The following JCAD variants were observed in gnomAD, a reference collection of about 807,000 sequenced individuals.
JCAD encodes the protein junctional cadherin 5-associated protein.
Under a neutral mutation model 98.0 loss-of-function variants are expected in JCAD, and 40 were observed. The observed-to-expected ratio is 0.41, with a 90% CI of 0.32 to 0.53. The LOEUF is 0.53. Among genes scored for constraint, JCAD ranks in the 20% least tolerant of loss-of-function variants. The pLI is 0.31. For synonymous variants in JCAD, 691 were observed against 682.3 expected (o/e 1.01, Z -0.20); for missense variants, 1,705 against 1,738.1 (o/e 0.98, Z 0.34).
intron 1 of JCAD, among the ~76,000 whole-genome samples, chr10:30,092,272 G>T (rs1838296510): frequency 6.6e-6 from 1 of 150,992 alleles, no homozygotes; most frequent in Non-Finnish European, 1.5e-5. Flanking sequence ...GGAGGAGTTT[G>T]TCCAGTGAGT....
At chr10:30,088,277 C>T (rs185697803) in intron 1 of JCAD, among the ~76,000 whole-genome samples, 335 of 152,270 alleles carry the variant, frequency 2.2e-3, no homozygotes, top group Non-Finnish European at 4.1e-3. Context: ...AAAGATAGGT[C>T]ATTAGCATTA....
chr10:30,085,064 G>A (rs533396882), intron 1 of JCAD, among the ~76,000 whole-genome samples: 3 of 152,156 alleles, frequency 2.0e-5, no homozygotes, highest in Non-Finnish European at 4.4e-5. Context: ...AGAGCAGTAG[G>A]TATCCTGATA....
In JCAD at chr10:30,047,754, G is replaced by A. The variant is rs757292487; in HGVS notation, c.59C>T (p.Pro20Leu). 6.2e-7 allele frequency: 1 copy of A among 1,613,882 alleles called. No individual in the cohort carries two copies. The highest frequency in any genetic ancestry group is 2.2e-5 in the East Asian group (1 of 44,888). ...CTTGGGGTTATCCTCGCGTGATGCT[G>A]GGGGGTCTCTTGACAGCTTGTATCC... ...SHGYKLSRDP[P>L]ASREDNPKGR... The change falls in exon 2 of 4, where the codon CCA (proline) becomes CTA (leucine). Residue 20 changes from proline (P) to leucine (L), a missense_variant. Physicochemically the swap from Pro to Leu is moderately conservative, Grantham distance 98. Coordinates refer to ENST00000375377, the MANE Select transcript of JCAD (RefSeq NM_020848.4).
chr10:30,028,071 T>C lies in JCAD; in HGVS notation c.2077A>G (p.Thr693Ala), dbSNP rs1320776513. The change falls in exon 3 of 4, where the codon ACC (threonine) becomes GCC (alanine). Residue 693 changes from threonine (T) to alanine (A), a missense_variant. By Grantham distance (58) the Thr-to-Ala change is moderately conservative (BLOSUM62 0). Coordinates refer to ENST00000375377, the MANE Select transcript of JCAD (RefSeq NM_020848.4). ...GHRYRDQQTQ[T>A]SFSEEPQSSQ... is the part of the protein sequence containing the mutation. Reference sequence around the variant, plus strand: ...CTTTGGGGCTCCTCGGAGAAACTGGTTTGTGTTTGCTGATCTCTGTACCGG... The same window carrying C: ...CTTTGGGGCTCCTCGGAGAAACTGGCTTGTGTTTGCTGATCTCTGTACCGG... 1.9e-6 allele frequency: 3 copies of C among 1,614,020 alleles called. No homozygotes were observed. Among genetic ancestry groups the C allele is most frequent in the Non-Finnish European group, 2.5e-6 (3 of 1,180,030 alleles).
rs549428253 is a variant in JCAD at position 30,015,401 on chromosome 10, T to C, written c.*2482A>G. The C allele has an allele frequency of 2.0e-5, 3 of 152,362 alleles. No homozygotes were observed. Among genetic ancestry groups the C allele is most frequent in the Non-Finnish European group, 4.4e-5 (3 of 68,034 alleles). 9.4% of individuals were successfully genotyped at this position (152,362 alleles called of 1,614,324 possible). ...CTGTTGTTGGTTATAGGCTATTATT[T>C]ACCTTAGAATATGAAAGTTTAAAGG... On this transcript the variant is annotated 3_prime_UTR_variant, in exon 4 of 4. Transcript: ENST00000375377.
chr10:30,028,321 T>G lies in JCAD; in HGVS notation c.1827A>C (p.Gln609His). ...CCGGGCTCTTATCAGACCCATTCTT[T>G]TGATCAGCACTGGGCTTTAAGTCAT... ...DNNDLKPSAD[Q>H]KNGSDKSPAL... The change falls in exon 3 of 4, where the codon CAA (glutamine) becomes CAC (histidine). Residue 609 changes from glutamine (Q) to histidine (H), a missense_variant. Physicochemically the swap from Gln to His is conservative, Grantham distance 24. This residue lies in a region of JCAD where 1,278 missense variants were observed against 1,243.1 expected (regional missense o/e 1.03). Transcript: ENST00000375377. 6.2e-7 allele frequency: 1 copy of G among 1,614,236 alleles called. No individual in the cohort carries two copies. Among genetic ancestry groups the G allele is most frequent in the South Asian group, 1.1e-5 (1 of 91,082 alleles).
chr10:30,110,107 C>T (rs564649061), intron 1 of JCAD, among the ~76,000 whole-genome samples: 4 of 151,786 alleles, frequency 2.6e-5, no homozygotes, highest in Admixed American at 2.0e-4. Flanking sequence ...ACTTATGTAT[C>T]GACCAGATGA....
intron 1 of JCAD, among the ~76,000 whole-genome samples, chr10:30,075,355 G>A (rs1237170154): frequency 3.3e-5 from 5 of 152,272 alleles, no homozygotes; most frequent in Middle Eastern, 6.8e-3. Flanking sequence ...CATGCGTTTA[G>A]TTGGGTTTTT....
chr10:30,076,561 A>G (rs1837984645), intron 1 of JCAD, among the ~76,000 whole-genome samples: 1 of 152,206 alleles, frequency 6.6e-6, no homozygotes, highest in African/African-American at 2.4e-5. Context: ...GGTCACACTC[A>G]GCTAGATATA....
chr10:30,025,182 C>CA (rs1420784952), intron 3 of JCAD, among the ~76,000 whole-genome samples: 1 of 151,908 alleles, frequency 6.6e-6, no homozygotes, highest in African/African-American at 2.4e-5. Flanking sequence ...TCCTCTAACT[C>CA]AACTCGTAAG....
rs559664973 is a variant in JCAD, at chr10:30,083,594, G to C, written n.129-13773C>G. Among the ~76,000 whole-genome samples the C allele has an allele frequency of 1.2e-4, 18 of 152,304 alleles. No homozygotes were observed. In the South Asian group the frequency reaches 3.7e-3, roughly 32 times the overall value. On this transcript the variant is annotated intron_variant and non_coding_transcript_variant, in intron 1 of 2. Coordinates refer to the JCAD transcript ENST00000465712. ...AATACAGGGTCTAGAGACCGCTAAA[G>C]TTAAGCTAAAATGCCTATAAGCAAA...
chr10:30,047,941 C>T (rs996779864), intron 1 of JCAD, 70 bp from the exon 2 acceptor site: 70 of 937,516 alleles, frequency 7.5e-5, no homozygotes, highest in Non-Finnish European at 1.0e-4. Context: ...CTCCTCCTCC[C>T]GTGGTCCCCC....
chr10:30,065,728 T>C (rs1160841275), intron 2 of JCAD, among the ~76,000 whole-genome samples: 1 of 152,166 alleles, frequency 6.6e-6, no homozygotes, highest in Non-Finnish European at 1.5e-5. Context: ...CTTGAACTCC[T>C]GGGCTCAAGC....
intron 3 of JCAD, among the ~76,000 whole-genome samples, chr10:30,020,750 C>T (rs1318526527): frequency 1.3e-5 from 2 of 152,166 alleles, no homozygotes; most frequent in African/African-American, 2.4e-5. Flanking sequence ...GCTCAATCAG[C>T]CTCAGAGTGT....
chr10:30,080,727 T>C (rs1460577056), intron 1 of JCAD, among the ~76,000 whole-genome samples: 3 of 151,960 alleles, frequency 2.0e-5, no homozygotes. Flanking sequence ...CCCATCAGCC[T>C]TTCTACTGGC....
At chr10:30,106,057 A>ATT (rs1469189602) in intron 1 of JCAD, among the ~76,000 whole-genome samples, 5 of 151,986 alleles carry the variant, frequency 3.3e-5, no homozygotes, top group African/African-American at 1.2e-4. Flanking sequence ...CCCAACCAAT[A>ATT]TTTGTTCCTT....
Position 30,013,628 on chromosome 10 carries a change from G to T in JCAD, c.*4255C>A, listed in dbSNP as rs1414937709. On this transcript the variant is annotated 3_prime_UTR_variant, in exon 4 of 4. Coordinates refer to ENST00000375377, the MANE Select transcript of JCAD (RefSeq NM_020848.4). ...CTGCGGGGCAGGGGTGAAGGGAGGT[G>T]GAAGAAAGAAGAGATGGTCCTTTGG... 3.9e-5 allele frequency: 6 copies of T among 152,266 alleles called. No individual in the cohort carries two copies. The highest frequency in any genetic ancestry group is 9.7e-5 in the African/African-American group (4 of 41,446). 9.4% of individuals were successfully genotyped at this position (152,266 alleles called of 1,614,324 possible).
chr10:30,039,925 A>G (rs1169259996), intron 2 of JCAD, among the ~76,000 whole-genome samples: 1 of 152,210 alleles, frequency 6.6e-6, no homozygotes. Flanking sequence ...ATGAAATGAG[A>G]TGATACATTC....
At chr10:30,050,230 G>A (rs1398758135) in intron 1 of JCAD, among the ~76,000 whole-genome samples, 1 of 143,692 alleles carries the variant, frequency 7.0e-6, no homozygotes, top group Admixed American at 7.4e-5. Context: ...GAGGACAATC[G>A]CTTGAACCCT....
Sources: gnomAD v4.1 joint callset for allele counts (sites outside exome capture counted in the v4.1 genomes callset) on GRCh38, gnomAD v4.1.1 for gene constraint, gnomAD v4.1.1 regional missense constraint, MANE v1.5 for transcripts, NCBI Gene and HGNC (gene_info 2026-07-23, HGNC 2026-07-21) for gene names.